C8orf89: variants seen among roughly 807,000 people sequenced by gnomAD.
The protein encoded by C8orf89 is putative uncharacterized protein C8orf89.
Under a neutral mutation model 15.8 loss-of-function variants are expected in C8orf89, and 14 were observed. The observed-to-expected ratio is 0.89, with a 90% CI of 0.59 to 1.39. The LOEUF is 1.39. Ranked by LOEUF, C8orf89 falls within the 40% of genes most tolerant of loss-of-function variation. The pLI is 0.00. For missense variants in C8orf89, 181 were observed against 184.5 expected, an observed-to-expected ratio of 0.98 and a Z score of 0.11; for synonymous variants, 55 against 62.2, an observed-to-expected ratio of 0.88 and a Z score of 0.54.
At chr8:73,242,060 C>G (rs937878313) in intron 3 of C8orf89, among the ~76,000 whole-genome samples, 2 of 152,110 alleles carry the variant, frequency 1.3e-5, no homozygotes, top group African/African-American at 4.8e-5. Context: ...ATTGGGGAAA[C>G]TCTCCAGGAC....
In C8orf89 at chr8:73,253,761, G is replaced by C. The variant is rs192252647; in HGVS notation, c.281+3212C>G. Among the ~76,000 whole-genome samples, 1,408 of 149,934 alleles carry C rather than the reference G, an allele frequency of 9.4e-3. 55 individuals are homozygous for C. The highest frequency in any genetic ancestry group is 0.033 in the African/African-American group (1,321 of 39,594). ...CTGTTATTGGTGTATAAGAATGCTT[G>C]TGATTTTTGTACATTGATTTTGTAT... On this transcript the variant is annotated intron_variant, in intron 2 of 3. Coordinates refer to ENST00000624510, the MANE Select transcript of C8orf89 (RefSeq NM_001243237.3).
the C8orf89 span, among the ~76,000 whole-genome samples, chr8:73,269,989 C>T: frequency 2.0e-5 from 3 of 152,132 alleles, no homozygotes; most frequent in Admixed American, 1.3e-4. Context: ...ATTAAACTCA[C>T]TGAAGCAACA....
the C8orf89 span, among the ~76,000 whole-genome samples, chr8:73,268,159 G>T: frequency 6.6e-6 from 1 of 152,164 alleles, no homozygotes; most frequent in East Asian, 1.9e-4. Flanking sequence ...AGGGGGTAGG[G>T]ATAATCTATA....
intron 3 of C8orf89, among the ~76,000 whole-genome samples, chr8:73,248,584 T>A (rs1266549979): frequency 6.6e-6 from 1 of 152,158 alleles, no homozygotes; most frequent in Admixed American, 6.5e-5. Context: ...ATGGAATGTT[T>A]TTCTACTTGT....
intron 3 of C8orf89, among the ~76,000 whole-genome samples, chr8:73,243,192 G>T (rs1379858234): frequency 6.6e-6 from 1 of 152,130 alleles, no homozygotes; most frequent in Non-Finnish European, 1.5e-5. Context: ...GGGAAGTGGG[G>T]ATGGTTTATA....
intron 3 of C8orf89, among the ~76,000 whole-genome samples, chr8:73,242,805 C>T (rs551600325): frequency 6.6e-6 from 1 of 152,262 alleles, no homozygotes; most frequent in Admixed American, 6.5e-5. Context: ...CATTGCTAGA[C>T]ATATACCCAA....
the C8orf89 span, among the ~76,000 whole-genome samples, chr8:73,279,377 C>T: frequency 2.0e-5 from 3 of 152,168 alleles, no homozygotes; most frequent in African/African-American, 4.8e-5. Flanking sequence ...TCTTGGACTA[C>T]GGTCCTGACC....
At chr8:73,284,022 A>G in the C8orf89 span, among the ~76,000 whole-genome samples, 2 of 151,802 alleles carry the variant, frequency 1.3e-5, no homozygotes, top group Non-Finnish European at 2.9e-5. Flanking sequence ...AGCCTGGGCA[A>G]CAAGAACGAA....
chr8:73,253,058 G>A (rs532394765), intron 2 of C8orf89, among the ~76,000 whole-genome samples: 2 of 152,336 alleles, frequency 1.3e-5, no homozygotes, highest in African/African-American at 4.8e-5. Context: ...CGGGAGAATT[G>A]CTTGAACCCG....
intron 2 of C8orf89, 125 bp downstream of exon 2, chr8:73,256,848 T>C (rs1278964943): frequency 1.5e-5 from 8 of 547,936 alleles, no homozygotes; most frequent in Non-Finnish European, 2.2e-5. Flanking sequence ...TTAAATCCTT[T>C]ATGTAAAAAA....
the C8orf89 span, among the ~76,000 whole-genome samples, chr8:73,275,702 G>A: frequency 6.6e-6 from 1 of 151,880 alleles, no homozygotes; most frequent in Non-Finnish European, 1.5e-5. Flanking sequence ...ATTCTTATTT[G>A]TAGTGCTTTA....
the C8orf89 span, among the ~76,000 whole-genome samples, chr8:73,278,197 T>G: frequency 6.6e-6 from 1 of 152,146 alleles, no homozygotes; most frequent in East Asian, 1.9e-4. Context: ...TCTTTCTCAT[T>G]TCTAAAACAA....
At chr8:73,262,532 G>A (rs545475274), upstream of C8orf89, among the ~76,000 whole-genome samples, 2 of 152,080 alleles carry the variant, frequency 1.3e-5, no homozygotes, top group Non-Finnish European at 2.9e-5. Flanking sequence ...TTAAGTAACA[G>A]CTGGCTGGGC....
At chr8:73,266,689 A>G in the C8orf89 span, among the ~76,000 whole-genome samples, 4 of 152,184 alleles carry the variant, frequency 2.6e-5, no homozygotes, top group Non-Finnish European at 5.9e-5. Flanking sequence ...CTAAACATGA[A>G]TTGGAAGTAT....
At chr8:73,273,710 G>C in the C8orf89 span, among the ~76,000 whole-genome samples, 4 of 151,806 alleles carry the variant, frequency 2.6e-5, no homozygotes, top group Admixed American at 1.3e-4. Flanking sequence ...TCTGCGCCCA[G>C]AGTGAGAACT....
the C8orf89 span, among the ~76,000 whole-genome samples, chr8:73,276,459 T>A: frequency 6.6e-6 from 1 of 152,062 alleles, no homozygotes; most frequent in Non-Finnish European, 1.5e-5. Context: ...ATTACAGGAG[T>A]AAGCCACCAC....
the C8orf89 span, chr8:73,277,645 A>G: frequency 5.3e-6 from 4 of 758,462 alleles, no homozygotes; most frequent in South Asian, 4.0e-5. Flanking sequence ...CTTTTCATCC[A>G]GGAAGGTTTC....
At chr8:73,276,805 AT>A in the C8orf89 span, among the ~76,000 whole-genome samples, 587 of 87,606 alleles carry the variant, frequency 6.7e-3, no homozygotes, top group South Asian at 9.6e-3. Context: ...CACAGCAGTC[AT>A]TTTTTTTTTT....
At chr8:73,273,173 G>A in the C8orf89 span, among the ~76,000 whole-genome samples, 153 of 152,312 alleles carry the variant, frequency 1.0e-3, no homozygotes, top group African/African-American at 3.4e-3. Context: ...CAGTGGGAGC[G>A]AGGAACAGGC....
Sources: allele counts gnomAD v4.1 joint callset (sites outside exome capture counted in the v4.1 genomes callset), GRCh38; gene constraint gnomAD v4.1.1; transcripts MANE v1.5; gene names NCBI Gene and HGNC (gene_info 2026-07-23, HGNC 2026-07-21).